ADGRG4: variants seen among roughly 807,000 people sequenced by gnomAD.
ADGRG4 encodes adhesion G protein-coupled receptor G4.
In ADGRG4, 122 loss-of-function variants were observed where a neutral mutation model predicts 126.2. The ratio of observed to expected loss-of-function variants is 0.97; its 90% CI spans 0.83 to 1.12. The LOEUF (loss-of-function observed/expected upper bound fraction) is 1.12. Ranked by LOEUF, ADGRG4 falls within the 50% of genes most tolerant of loss-of-function variation. The pLI is 0.00. For synonymous variants in ADGRG4, 943 were observed against 838.7 expected (o/e 1.12, Z -2.15); for missense variants, 2,481 against 2,251.8 (o/e 1.10, Z -2.06).
chrX:136,402,098 T>C (rs2075382397), intron 21 of ADGRG4, among the ~76,000 whole-genome samples: 1 of 112,090 alleles, frequency 8.9e-6, no homozygotes, highest in African/African-American at 3.2e-5. Context: ...AGCAATCAAC[T>C]GTAAGGAAAA....
Position 136,348,213 on chromosome X carries a change from T to C in ADGRG4, c.4507T>C (p.Ser1503Pro). 8.3e-7 allele frequency: 1 copy of C among 1,209,917 alleles called. No homozygotes were observed. Among genetic ancestry groups the C allele is most frequent in the East Asian group, 3.0e-5 (1 of 33,806 alleles). The change falls in exon 6 of 26, where the codon TCT becomes CCT. Residue 1503 changes from serine (S) to proline (P), a missense_variant. Transcript: ENST00000394143. ...NVPTMLPRES[S>P]MATSTPIYQM... Reference sequence around the variant, plus strand: ...ACCTACAATGCTTCCTAGAGAATCCTCTATGGCAACGTCCACTCCTATTTA... The same window carrying C: ...ACCTACAATGCTTCCTAGAGAATCCCCTATGGCAACGTCCACTCCTATTTA...
intron 8 of ADGRG4, among the ~76,000 whole-genome samples, chrX:136,354,514 A>G (rs2075081739): frequency 9.0e-6 from 1 of 111,351 alleles, no homozygotes; most frequent in Non-Finnish European, 1.9e-5. Flanking sequence ...CTACGACCAA[A>G]CGTGTGGGGA....
chrX:136,412,029 T>C (rs2075448781), intron 23 of ADGRG4, among the ~76,000 whole-genome samples: 1 of 112,638 alleles, frequency 8.9e-6, no homozygotes, highest in Admixed American at 9.3e-5. Flanking sequence ...CTACCTTACC[T>C]CTCACACTCT....
chrX:136,366,057 T>C (rs374986600), intron 13 of ADGRG4, among the ~76,000 whole-genome samples: 30 of 112,077 alleles, frequency 2.7e-4, no homozygotes, highest in African/African-American at 9.7e-4. Flanking sequence ...TAGTTCATAG[T>C]TTTACATTAG....
At chrX:136,315,094 G>T (rs1303141364) in intron 4 of ADGRG4, among the ~76,000 whole-genome samples, 1 of 110,784 alleles carries the variant, frequency 9.0e-6, no homozygotes, top group African/African-American at 3.3e-5. Flanking sequence ...ATGAGGATCA[G>T]GGTTGGACGC....
rs767802319 is a variant in ADGRG4 at position 136,414,148 on chromosome X, G to T, written c.9038-12G>T. On this transcript the variant is annotated splice_polypyrimidine_tract_variant and intron_variant, in intron 24 of 25. Coordinates refer to ENST00000394143, the MANE Select transcript of ADGRG4 (RefSeq NM_153834.4). Reference sequence around the variant, plus strand: ...AGTTTTATATTTTTAACTTTTCTTGGTATCATTTCAGATGGGAGCAGCCGG... The same window carrying T: ...AGTTTTATATTTTTAACTTTTCTTGTTATCATTTCAGATGGGAGCAGCCGG... 5 of 1,164,200 alleles carry T rather than the reference G, an allele frequency of 4.3e-6. No homozygotes were observed. The Admixed American group carries it at 1.3e-4, about 30-fold the overall frequency.
At chrX:136,317,534 A>C (rs1440389672) in intron 4 of ADGRG4, among the ~76,000 whole-genome samples, 1 of 108,720 alleles carries the variant, frequency 9.2e-6, no homozygotes, top group Non-Finnish European at 1.9e-5. Flanking sequence ...GAAAGAAATG[A>C]AATGAAATGA....
intron 21 of ADGRG4, among the ~76,000 whole-genome samples, chrX:136,401,665 C>A (rs1012365981): frequency 6.2e-5 from 7 of 112,057 alleles, no homozygotes; most frequent in African/African-American, 2.3e-4. Flanking sequence ...CTTTCACATT[C>A]TTGTCCCCCA....
intron 16 of ADGRG4, among the ~76,000 whole-genome samples, chrX:136,388,312 T>G (rs2075302504): frequency 8.9e-6 from 1 of 112,118 alleles, no homozygotes; most frequent in South Asian, 3.7e-4. Context: ...TTGTTGCTAC[T>G]TCCCACAGCC....
rs1432657822 is a variant in ADGRG4, at chrX:136,392,311, C to T, written c.7991C>T (p.Ala2664Val). The T allele has an allele frequency of 8.4e-7, 1 of 1,186,316 alleles. No individual in the cohort carries two copies. Among genetic ancestry groups the T allele is most frequent in the Admixed American group, 2.2e-5 (1 of 45,355 alleles). Residue 2664 changes from alanine to valine, a missense_variant, in exon 17 of 26, where the codon GCT becomes GTT. By Grantham distance (64) the Ala-to-Val change is moderately conservative (BLOSUM62 0). Transcript: ENST00000394143. ...GATGATATGTTCATTCAAAACTTAG[C>T]TGACCCAGTGGTTATCACTCTGCAG... Reference protein sequence around the residue: ...ISDDMFIQNLADPVVITLQHI... With the variant: ...ISDDMFIQNLVDPVVITLQHI...
At chrX:136,343,522 C>A (rs763508564) in intron 5 of ADGRG4, among the ~76,000 whole-genome samples, 2 of 110,945 alleles carry the variant, frequency 1.8e-5, no homozygotes, top group Non-Finnish European at 3.8e-5. Flanking sequence ...TGGGACAAAG[C>A]GTTGGTCAGG....
intron 8 of ADGRG4, among the ~76,000 whole-genome samples, chrX:136,353,977 A>G (rs2075078339): frequency 9.0e-6 from 1 of 111,571 alleles, no homozygotes; most frequent in Non-Finnish European, 1.9e-5. Flanking sequence ...CTGCACATAT[A>G]CTAGTCCTCT....
intron 4 of ADGRG4, among the ~76,000 whole-genome samples, chrX:136,317,925 C>A (rs2074815656): frequency 8.9e-6 from 1 of 111,876 alleles, no homozygotes; most frequent in African/African-American, 3.3e-5. Flanking sequence ...AAATTGGAGC[C>A]CTCATACATT....
intron 4 of ADGRG4, among the ~76,000 whole-genome samples, chrX:136,320,206 A>G (rs979692190): frequency 2.7e-5 from 3 of 112,127 alleles, no homozygotes; most frequent in Admixed American, 9.5e-5. Flanking sequence ...AGGTTCGTCA[A>G]TTGTTCTTGA....
Position 136,387,814 on chromosome X carries a change from T to C in ADGRG4, c.7851T>C (p.Ile2617=). Residue 2617 remains isoleucine (I), a synonymous_variant, in exon 16 of 26, where the codon ATT becomes ATC. Transcript: ENST00000394143. ...IYLPKSLTER[I]PLSNLQTILF... Reference sequence around the variant, plus strand: ...TGCCTAAATCACTGACGGAGAGAATTCCTCTTAGCAACTTACAAACGATCT... The same window carrying C: ...TGCCTAAATCACTGACGGAGAGAATCCCTCTTAGCAACTTACAAACGATCT... 1 of 1,206,622 alleles carries C rather than the reference T, an allele frequency of 8.3e-7. No individual in the cohort carries two copies. Among genetic ancestry groups the C allele is most frequent in the Admixed American group, 2.2e-5 (1 of 45,990 alleles).
chrX:136,361,585 C>G lies in ADGRG4; in HGVS notation c.7275C>G (p.Phe2425Leu). 1 of 1,166,266 alleles carries G rather than the reference C, an allele frequency of 8.6e-7. No individual in the cohort carries two copies. The highest frequency in any genetic ancestry group is 1.2e-6 in the Non-Finnish European group (1 of 869,289). Reference sequence around the variant, plus strand: ...ATGAGGATGGAAATGCCACAAGATTCTGGTATGTACAGGCCAAGTTCTAAT... The same window carrying G: ...ATGAGGATGGAAATGCCACAAGATTGTGGTATGTACAGGCCAAGTTCTAAT... ...IKNEDGNATR[F>L]CSISINTGKS... Residue 2425 changes from phenylalanine to leucine, a missense_variant and splice_region_variant, in exon 12 of 26, where the codon TTC becomes TTG. Coordinates refer to ENST00000394143, the MANE Select transcript of ADGRG4 (RefSeq NM_153834.4).
intron 4 of ADGRG4, among the ~76,000 whole-genome samples, chrX:136,318,688 C>T (rs1453399444): frequency 3.6e-5 from 4 of 110,883 alleles, no homozygotes; most frequent in African/African-American, 6.6e-5. Flanking sequence ...ATTTTCCTTA[C>T]AATATGATCT....
At position 136,347,210 on chromosome X, in the gene ADGRG4, A is replaced by G. The variant is rs756239095; in HGVS notation, c.3504A>G (p.Pro1168=). ...ATGTGATCTCAACTACGTCTACACC[A>G]GAAGCAACTCAACCAATATCTCAAG... ...STHVISTTST[P]EATQPISQVE... is the part of the protein sequence containing the mutation. The change falls in exon 6 of 26, where the codon CCA becomes CCG. Residue 1168 remains proline (P), a synonymous_variant. Coordinates refer to ENST00000394143, the MANE Select transcript of ADGRG4 (RefSeq NM_153834.4). The G allele has an allele frequency of 1.7e-6, 2 of 1,208,953 alleles. No homozygotes were observed. Among genetic ancestry groups the G allele is most frequent in the East Asian group, 3.0e-5 (1 of 33,739 alleles).
At position 136,308,820 on chromosome X, in the gene ADGRG4, C is replaced by T. The variant is rs765387392; in HGVS notation, c.43C>T (p.Leu15Phe). The change falls in exon 4 of 26, where the codon CTC (leucine) becomes TTC (phenylalanine). Residue 15 changes from leucine to phenylalanine, a missense_variant. Transcript: ENST00000394143. ...ATATCAGAAGCTTTATGGATTGATT[C>T]TCATGTCGAGTTTTATCTTTCTCTC... ...IIYQKLYGLILMSSFIFLSDT... is the reference protein window; with the variant it reads ...IIYQKLYGLIFMSSFIFLSDT... 13 of 1,163,037 alleles carry T rather than the reference C, an allele frequency of 1.1e-5. No homozygotes were observed. The South Asian group carries it at 2.0e-4, about 18-fold the overall frequency.
Sources: gnomAD v4.1 joint callset for allele counts (sites outside exome capture counted in the v4.1 genomes callset) on GRCh38, gnomAD v4.1.1 for gene constraint, MANE v1.5 for transcripts, NCBI Gene and HGNC (gene_info 2026-07-23, HGNC 2026-07-21) for gene names.